The following NALF1 variants were observed in gnomAD, a reference collection of about 807,000 sequenced individuals.
NALF1 encodes family with sequence similarity 155 member A.
NALF1 carries 3 observed loss-of-function variants against 48.4 expected under a neutral mutation model. The ratio of observed to expected loss-of-function variants is 0.06; its 90% CI spans 0.03 to 0.16. The LOEUF (loss-of-function observed/expected upper bound fraction) is 0.16, where lower values mean the gene tolerates loss of function less well. NALF1 is among the 10% of genes least tolerant of loss of function. NALF1 has a pLI of 1.00. For missense variants in NALF1, 526 were observed against 571.5 expected (o/e 0.92, Z 0.81); for synonymous variants, 262 against 245.7 (o/e 1.07, Z -0.62).
intron 1 of NALF1, among the ~76,000 whole-genome samples, chr13:107,337,924 C>T (rs1043250100): frequency 6.6e-6 from 1 of 152,096 alleles, no homozygotes; most frequent in Admixed American, 6.6e-5. Context: ...TCCCTACCAC[C>T]GTGTCACGCA....
intron 1 of NALF1, among the ~76,000 whole-genome samples, chr13:107,612,992 C>T (rs60185268): frequency 0.073 from 10,812 of 147,852 alleles, 533 homozygotes; most frequent in East Asian, 0.24. Flanking sequence ...GGGTTTTTTT[C>T]CCACAATGAG....
chr13:107,569,717 T>C (rs1877929976), intron 1 of NALF1, among the ~76,000 whole-genome samples: 1 of 152,316 alleles, frequency 6.6e-6, no homozygotes, highest in African/African-American at 2.4e-5. Context: ...TCTTGAATAT[T>C]CTAGAGTCTT....
chr13:107,457,949 G>A (rs1248853593), intron 1 of NALF1, among the ~76,000 whole-genome samples: 14 of 152,158 alleles, frequency 9.2e-5, no homozygotes, highest in Non-Finnish European at 1.5e-5. Flanking sequence ...CTTTTGTAAA[G>A]TGGTTTAGAC....
intron 1 of NALF1, among the ~76,000 whole-genome samples, chr13:107,808,276 C>T (rs1210291221): frequency 6.6e-6 from 1 of 152,124 alleles, no homozygotes; most frequent in African/African-American, 2.4e-5. Context: ...CTCTTCTTAA[C>T]CTTTCTCGGC....
intron 1 of NALF1, among the ~76,000 whole-genome samples, chr13:107,754,641 A>G (rs1048684086): frequency 6.6e-6 from 1 of 152,174 alleles, no homozygotes; most frequent in African/African-American, 2.4e-5. Context: ...AACCTGAATG[A>G]AAACCTGCAA....
intron 1 of NALF1, among the ~76,000 whole-genome samples, chr13:107,678,757 G>C (rs2138492961): frequency 6.6e-6 from 1 of 152,258 alleles, no homozygotes; most frequent in South Asian, 2.1e-4. Flanking sequence ...TGAGTGAATA[G>C]GGAAGAGCCC....
chr13:107,344,661 G>A (rs1882741708), intron 1 of NALF1, among the ~76,000 whole-genome samples: 1 of 151,998 alleles, frequency 6.6e-6, no homozygotes, highest in Non-Finnish European at 1.5e-5. Context: ...AACTAACTAA[G>A]CGTAGAAGAA....
At chr13:107,293,790 A>G (rs894861078) in intron 1 of NALF1, among the ~76,000 whole-genome samples, 2 of 152,248 alleles carry the variant, frequency 1.3e-5, no homozygotes, top group African/African-American at 4.8e-5. Flanking sequence ...GTTTTGAGCT[A>G]CAAGGCTCCA....
intron 1 of NALF1, among the ~76,000 whole-genome samples, chr13:107,535,645 T>C (rs1876781001): frequency 6.6e-6 from 1 of 152,182 alleles, no homozygotes; most frequent in East Asian, 1.9e-4. Context: ...AAAATGGCCG[T>C]ACTGCCCAAG....
chr13:107,453,623 T>C (rs1884778525), intron 1 of NALF1, among the ~76,000 whole-genome samples: 1 of 152,198 alleles, frequency 6.6e-6, no homozygotes, highest in Admixed American at 6.5e-5. Context: ...CCTGGAGACA[T>C]TTTCCCCATT....
intron 1 of NALF1, among the ~76,000 whole-genome samples, chr13:107,642,986 A>G (rs1880201591): frequency 6.6e-6 from 1 of 152,178 alleles, no homozygotes; most frequent in Non-Finnish European, 1.5e-5. Flanking sequence ...CAGCACATGC[A>G]GGCAGATGGC....
chr13:107,755,515 G>T (rs1877069975), intron 1 of NALF1, among the ~76,000 whole-genome samples: 1 of 150,764 alleles, frequency 6.6e-6, no homozygotes, highest in African/African-American at 2.4e-5. Context: ...AAGCTCTTTG[G>T]TTCCATTTTC....
Position 107,305,383 on chromosome 13 carries a change from C to T in NALF1, c.916-94628G>A, listed in dbSNP as rs1474767251. On this transcript the variant is annotated intron_variant, in intron 1 of 2. Coordinates refer to ENST00000375915, the MANE Select transcript of NALF1 (RefSeq NM_001080396.3). ...AAGTTAAAAATGCTGATTGCTTACG[C>T]AATAATGGGATTTCTAAAACAAATG... Among the ~76,000 whole-genome samples, 7 of 152,170 alleles carry T rather than the reference C, an allele frequency of 4.6e-5. No individual in the cohort carries two copies. The East Asian group carries it at 1.3e-3, about 29-fold the overall frequency.
intron 1 of NALF1, among the ~76,000 whole-genome samples, chr13:107,221,082 A>G (rs1879982160): frequency 6.6e-6 from 1 of 152,140 alleles, no homozygotes; most frequent in African/African-American, 2.4e-5. Flanking sequence ...CCTATGGGGT[A>G]TGCAAAGGTA....
chr13:107,497,573 G>A (rs1403687739), intron 1 of NALF1, among the ~76,000 whole-genome samples: 1 of 152,164 alleles, frequency 6.6e-6, no homozygotes, highest in African/African-American at 2.4e-5. Flanking sequence ...ACATCTTTCA[G>A]AATGATTTCA....
chr13:107,846,205 C>A (rs1880167759), intron 1 of NALF1, among the ~76,000 whole-genome samples: 1 of 152,048 alleles, frequency 6.6e-6, no homozygotes, highest in Admixed American at 6.5e-5. Flanking sequence ...CACTTTTGAG[C>A]TAGATTTTTC....
At chr13:107,247,978 A>C (rs1880617488) in intron 1 of NALF1, among the ~76,000 whole-genome samples, 1 of 152,138 alleles carries the variant, frequency 6.6e-6, no homozygotes, top group African/African-American at 2.4e-5. Flanking sequence ...TGAAAAGCAA[A>C]GCCAAGAGCA....
At chr13:107,546,663 C>A (rs997027460) in intron 1 of NALF1, among the ~76,000 whole-genome samples, 1 of 152,026 alleles carries the variant, frequency 6.6e-6, no homozygotes, top group South Asian at 2.1e-4. Flanking sequence ...CTGTCTCTCT[C>A]CCGGCTAGCT....
intron 1 of NALF1, among the ~76,000 whole-genome samples, chr13:107,692,711 T>C (rs989216930): frequency 2.0e-5 from 3 of 152,170 alleles, no homozygotes; most frequent in African/African-American, 7.2e-5. Context: ...GGAAAAAGAA[T>C]GGTGCAGCTG....
Sources: allele counts gnomAD v4.1 joint callset (sites outside exome capture counted in the v4.1 genomes callset), GRCh38; gene constraint gnomAD v4.1.1; transcripts MANE v1.5; gene names NCBI Gene and HGNC (gene_info 2026-07-23, HGNC 2026-07-21).